The following COL24A1 variants were observed in gnomAD, a reference collection of about 807,000 sequenced individuals.
COL24A1 encodes the protein collagen alpha-1(XXIV) chain.
A neutral mutation model predicts 253.9 loss-of-function variants in COL24A1; 224 were observed. The observed-to-expected ratio is 0.88, with a 90% CI of 0.79 to 0.99. The LOEUF (loss-of-function observed/expected upper bound fraction) is 0.99. Among genes scored for constraint, COL24A1 ranks in the 50% least tolerant of loss-of-function variants. COL24A1 has a pLI of 0.00. For synonymous variants in COL24A1, 685 were observed against 673.7 expected (o/e 1.02, Z -0.26); for missense variants, 2,131 against 2,068.5 (o/e 1.03, Z -0.59).
At chr1:85,794,984 C>G (rs1670664040) in intron 47 of COL24A1, among the ~76,000 whole-genome samples, 1 of 152,078 alleles carries the variant, frequency 6.6e-6, no homozygotes, top group African/African-American at 2.4e-5. Context: ...GCTTCCTAAG[C>G]CTTTGGACTC....
rs777200767 is a variant in COL24A1, at chr1:86,125,682, T to C, written c.654A>G (p.Ile218Met). 34 of 1,611,352 alleles carry C rather than the reference T, an allele frequency of 2.1e-5. No homozygotes were observed. The Admixed American group carries it at 5.7e-4, about 27-fold the overall frequency. The stretch of plus-strand genomic sequence containing the variant: ...AAGGAATAATATCTAACTGACATAC[T>C]ATTCCTTCAAAATGGATAGAATTAT... Reference protein sequence around the residue: ...MNNNSIHFEGIVCQLDIIPSA... With the variant: ...MNNNSIHFEGMVCQLDIIPSA... Residue 218 changes from isoleucine (I) to methionine (M), a missense_variant, in exon 3 of 60, where the codon ATA becomes ATG. By Grantham distance (10) the Ile-to-Met change is conservative. Coordinates refer to ENST00000370571, the MANE Select transcript of COL24A1 (RefSeq NM_152890.7).
intron 47 of COL24A1, among the ~76,000 whole-genome samples, chr1:85,794,410 A>G (rs1393748401): frequency 2.0e-5 from 3 of 152,212 alleles, no homozygotes; most frequent in Non-Finnish European, 4.4e-5. Context: ...GAGAATAATA[A>G]GGAGCACAAA....
chr1:86,039,591 A>T (rs1218659233), intron 12 of COL24A1, among the ~76,000 whole-genome samples: 1 of 152,148 alleles, frequency 6.6e-6, no homozygotes, highest in Admixed American at 6.6e-5. Flanking sequence ...ATTTAATCTG[A>T]AGTAGAAATG....
At chr1:85,824,797 C>A (rs1240305952) in intron 43 of COL24A1, among the ~76,000 whole-genome samples, 1 of 152,030 alleles carries the variant, frequency 6.6e-6, no homozygotes, top group African/African-American at 2.4e-5. Context: ...ATTTCTTTCT[C>A]CCTATTTTCA....
intron 39 of COL24A1, among the ~76,000 whole-genome samples, chr1:85,846,953 T>G (rs1240091597): frequency 1.3e-5 from 2 of 152,094 alleles, no homozygotes; most frequent in Non-Finnish European, 2.9e-5. Flanking sequence ...GTGAAAAGTC[T>G]AGCACTTGTG....
chr1:85,896,927 G>A (rs12133355), intron 28 of COL24A1, among the ~76,000 whole-genome samples: 35,739 of 152,076 alleles, frequency 0.24, 4,834 homozygotes, highest in East Asian at 0.34. Flanking sequence ...AGTCAAATGA[G>A]CACAAAAATA....
intron 43 of COL24A1, among the ~76,000 whole-genome samples, chr1:85,836,014 C>A (rs1457753370): frequency 6.6e-6 from 1 of 152,136 alleles, no homozygotes; most frequent in African/African-American, 2.4e-5. Flanking sequence ...TCCTCATCTC[C>A]AAAAACGAAG....
rs1233491158 is a variant in COL24A1, at chr1:85,825,198, C to T, written c.3682-1460G>A. The stretch of plus-strand genomic sequence containing the variant: ...GTTTGGTTTTTTGTTCTTGCGATAG[C>T]TGACTGAGAATGATGATTTCCAATT... On this transcript the variant is annotated intron_variant, in intron 43 of 59. Transcript: ENST00000370571. Among the ~76,000 whole-genome samples, 275 of 151,378 alleles carry T rather than the reference C, an allele frequency of 1.8e-3. 1 individual carries two copies. Among genetic ancestry groups the T allele is most frequent in the African/African-American group, 6.2e-3 (257 of 41,214 alleles).
intron 32 of COL24A1, among the ~76,000 whole-genome samples, chr1:85,885,608 T>C (rs972509260): frequency 2.6e-5 from 4 of 151,942 alleles, no homozygotes; most frequent in Non-Finnish European, 4.4e-5. Flanking sequence ...GAATAGAGCA[T>C]TGCAATGGGA....
chr1:85,804,206 A>C (rs1671720812), intron 47 of COL24A1, among the ~76,000 whole-genome samples: 1 of 152,162 alleles, frequency 6.6e-6, no homozygotes, highest in Non-Finnish European at 1.5e-5. Context: ...AAAATGATGA[A>C]GGAGAGGAGT....
chr1:86,036,377 T>C, intron 12 of COL24A1, among the ~76,000 whole-genome samples: 1 of 152,136 alleles, frequency 6.6e-6, no homozygotes, highest in East Asian at 1.9e-4. Flanking sequence ...ATTCTTTTAA[T>C]CCCTCATATG....
intron 13 of COL24A1, 129 bp from the exon 14 acceptor site, chr1:86,032,051 T>C: frequency 1.5e-6 from 1 of 646,310 alleles, no homozygotes; most frequent in Non-Finnish European, 2.6e-6. Context: ...AGCTAACTTC[T>C]GAAACTCCCC....
At chr1:85,737,079 G>T in intron 58 of COL24A1, among the ~76,000 whole-genome samples, 1 of 152,024 alleles carries the variant, frequency 6.6e-6, no homozygotes, top group Non-Finnish European at 1.5e-5. Context: ...AACACTAGCT[G>T]TTTAAGAAAT....
chr1:85,868,259 T>C (rs949134332), intron 37 of COL24A1, among the ~76,000 whole-genome samples: 4 of 152,184 alleles, frequency 2.6e-5, no homozygotes, highest in African/African-American at 9.7e-5. Flanking sequence ...TCAAACTCAG[T>C]TTGAGACAAC....
At chr1:85,857,474 GAA>G (rs1166100256) in intron 37 of COL24A1, among the ~76,000 whole-genome samples, 1 of 114,862 alleles carries the variant, frequency 8.7e-6, no homozygotes, top group Non-Finnish European at 1.9e-5. Context: ...AAAAAAAAAA[GAA>G]AAAAAAAAAG....
intron 19 of COL24A1, among the ~76,000 whole-genome samples, chr1:85,992,785 C>T (rs1381661868): frequency 1.3e-5 from 2 of 151,966 alleles, no homozygotes; most frequent in African/African-American, 2.4e-5. Flanking sequence ...TGTGTTTTAC[C>T]ACCTCAGTTA....
chr1:85,838,494 T>C, intron 43 of COL24A1, 91 bp downstream of exon 43: 2 of 1,113,062 alleles, frequency 1.8e-6, no homozygotes, highest in Middle Eastern at 2.3e-4. Context: ...AAGACATTAC[T>C]AATTATCTCA....
In COL24A1 at chr1:85,770,008, G is replaced by C. The variant is rs150018894; in HGVS notation, c.4374+5666C>G. ...GCCACAGTACTTGGAGAGGATACTG[G>C]GGAGGCATGCAGAGCCACACTGATA... On this transcript the variant is annotated intron_variant, in intron 53 of 59. Transcript: ENST00000370571. Among the ~76,000 whole-genome samples the C allele has an allele frequency of 9.4e-3, 1,427 of 152,164 alleles. 57 individuals are homozygous for C. The highest frequency in any genetic ancestry group is 0.063 in the Admixed American group (967 of 15,262).
intron 1 of COL24A1, among the ~76,000 whole-genome samples, chr1:86,149,877 A>G (rs992570863): frequency 6.6e-6 from 1 of 152,232 alleles, no homozygotes; most frequent in Non-Finnish European, 1.5e-5. Flanking sequence ...GCTGATGACT[A>G]ATGGACTGGT....
Sources: gnomAD v4.1 joint callset for allele counts (sites outside exome capture counted in the v4.1 genomes callset) on GRCh38, gnomAD v4.1.1 for gene constraint, MANE v1.5 for transcripts, NCBI Gene and HGNC (gene_info 2026-07-23, HGNC 2026-07-21) for gene names.